WDR70: variants seen among roughly 807,000 people sequenced by gnomAD.
The protein encoded by WDR70 is WD repeat-containing protein 70.
WDR70 carries 53 observed loss-of-function variants against 88.6 expected under a neutral mutation model. The observed-to-expected ratio is 0.60, with a 90% CI of 0.48 to 0.75. WDR70 has a LOEUF of 0.75. Among genes scored for constraint, WDR70 ranks in the 30% least tolerant of loss-of-function variants. The pLI is 0.00. For synonymous variants in WDR70, 280 were observed against 270.0 expected (o/e 1.04, Z -0.36); for missense variants, 610 against 823.2 (o/e 0.74, Z 3.17).
At chr5:37,457,086 A>G (rs569228445) in intron 7 of WDR70, among the ~76,000 whole-genome samples, 118 of 152,106 alleles carry the variant, frequency 7.8e-4, no homozygotes, top group Non-Finnish European at 1.5e-3. Context: ...TTTTTTCCGC[A>G]TAACACTTTG....
chr5:37,410,600 C>T (rs1191984243), intron 5 of WDR70, among the ~76,000 whole-genome samples: 1 of 152,102 alleles, frequency 6.6e-6, no homozygotes, highest in Admixed American at 6.6e-5. Flanking sequence ...ACCTCAAGTA[C>T]AGGAACTTTT....
intron 5 of WDR70, among the ~76,000 whole-genome samples, chr5:37,397,892 A>G (rs1357941611): frequency 6.6e-6 from 1 of 151,116 alleles, no homozygotes; most frequent in Non-Finnish European, 1.5e-5. Flanking sequence ...GCTACTCGGG[A>G]GGCTGAAGCA....
intron 8 of WDR70, among the ~76,000 whole-genome samples, chr5:37,513,157 A>G (rs892413668): frequency 6.6e-6 from 1 of 152,218 alleles, no homozygotes; most frequent in Non-Finnish European, 1.5e-5. Context: ...CTGTTCCAAA[A>G]GTCAAAAAAT....
chr5:37,388,049 G>A lies in WDR70; in HGVS notation c.176-3951G>A, dbSNP rs561548712. ...TGTGAAGGGTCTGGAAATGATAATG[G>A]TACAAATTTTTTTTAATGTTTTTTA... On this transcript the variant is annotated intron_variant, in intron 3 of 17. Transcript: ENST00000265107. Among the ~76,000 whole-genome samples, 59 of 152,150 alleles carry A rather than the reference G, an allele frequency of 3.9e-4. No homozygotes were observed. In the South Asian group the frequency reaches 0.012, roughly 30 times the overall value.
chr5:37,528,753 C>G (rs554867020), intron 9 of WDR70, among the ~76,000 whole-genome samples: 1 of 152,264 alleles, frequency 6.6e-6, no homozygotes, highest in East Asian at 1.9e-4. Flanking sequence ...ATTTCTCCCA[C>G]TCTGTGGGTT....
At chr5:37,690,245 C>G (rs1055501371) in intron 10 of WDR70, among the ~76,000 whole-genome samples, 1 of 152,168 alleles carries the variant, frequency 6.6e-6, no homozygotes, top group African/African-American at 2.4e-5. Flanking sequence ...ATTGGTGTAC[C>G]TGAAAGTGAT....
At chr5:37,392,788 G>A (rs1748880448) in intron 4 of WDR70, among the ~76,000 whole-genome samples, 1 of 151,740 alleles carries the variant, frequency 6.6e-6, no homozygotes, top group Non-Finnish European at 1.5e-5. Context: ...GGGATTACAG[G>A]TGTGGGCCAC....
chr5:37,542,430 C>G (rs765767489), intron 9 of WDR70, among the ~76,000 whole-genome samples: 3 of 151,964 alleles, frequency 2.0e-5, no homozygotes, highest in Admixed American at 1.3e-4. Context: ...CAGGCATGCA[C>G]CACCATGCCC....
intron 17 of WDR70, among the ~76,000 whole-genome samples, chr5:37,734,088 T>G (rs1446089555): frequency 6.6e-6 from 1 of 152,034 alleles, no homozygotes; most frequent in Non-Finnish European, 1.5e-5. Flanking sequence ...TTGGGGTGTA[T>G]AGGTATAAAA....
chr5:37,490,869 G>A (rs1028491765), intron 8 of WDR70, among the ~76,000 whole-genome samples: 5 of 152,094 alleles, frequency 3.3e-5, no homozygotes, highest in African/African-American at 4.8e-5. Context: ...TCCAACTGGT[G>A]TCATGTGCTA....
chr5:37,566,304 A>AAG (rs1561905027), intron 9 of WDR70, among the ~76,000 whole-genome samples: 3 of 151,506 alleles, frequency 2.0e-5, no homozygotes, highest in East Asian at 1.9e-4. Context: ...TCCTCCTGTG[A>AAG]TAATAGCTTA....
chr5:37,482,502 C>A (rs1739704374), intron 8 of WDR70, among the ~76,000 whole-genome samples: 1 of 152,122 alleles, frequency 6.6e-6, no homozygotes, highest in African/African-American at 2.4e-5. Context: ...TTATTCAGTA[C>A]CATGAGAACA....
intron 8 of WDR70, among the ~76,000 whole-genome samples, chr5:37,513,239 G>T (rs1437622022): frequency 6.6e-6 from 1 of 152,148 alleles, no homozygotes; most frequent in Non-Finnish European, 1.5e-5. Flanking sequence ...GAACAATGTG[G>T]TGGGCCATGT....
rs11295618 is a variant in WDR70, at chr5:37,608,038, C to CTT, written c.1092+2820_1092+2821dup. Among the ~76,000 whole-genome samples the CTT allele has an allele frequency of 2.0e-3, 202 of 100,572 alleles. 1 individual carries two copies. Among genetic ancestry groups the CTT allele is most frequent in the Middle Eastern group, 0.011 (2 of 188 alleles). The allele number at this position is 100,572 out of a possible 152,430, so 66.0% of individuals were successfully genotyped here. On this transcript the variant is annotated intron_variant, in intron 10 of 17. Coordinates refer to ENST00000265107, the MANE Select transcript of WDR70 (RefSeq NM_018034.4). ...GTTGAGCCTGACAGTCTGCAACACT[C>CTT]TTTTTTTTTTTTTTTTTTTTTGAGA...
chr5:37,457,575 T>G (rs1738882167), intron 7 of WDR70, among the ~76,000 whole-genome samples: 1 of 152,232 alleles, frequency 6.6e-6, no homozygotes, highest in African/African-American at 2.4e-5. Context: ...GGAGTTCCTC[T>G]GACACATATA....
intron 10 of WDR70, among the ~76,000 whole-genome samples, chr5:37,689,398 C>T (rs1285261496): frequency 6.6e-6 from 1 of 152,178 alleles, no homozygotes; most frequent in Non-Finnish European, 1.5e-5. Flanking sequence ...TGGTTCCTAA[C>T]CCCTGTGTAG....
At chr5:37,495,400 T>C (rs1388789464) in intron 8 of WDR70, among the ~76,000 whole-genome samples, 1 of 151,998 alleles carries the variant, frequency 6.6e-6, no homozygotes, top group African/African-American at 2.4e-5. Context: ...GTCATTGGGG[T>C]AGCCACAAGA....
At chr5:37,611,577 G>T (rs1045669635) in intron 10 of WDR70, among the ~76,000 whole-genome samples, 5 of 151,716 alleles carry the variant, frequency 3.3e-5, no homozygotes, top group Admixed American at 6.6e-5. Context: ...TATATTTTTA[G>T]CATATAATGT....
chr5:37,684,530 A>T (rs1746524327), intron 10 of WDR70, among the ~76,000 whole-genome samples: 1 of 152,204 alleles, frequency 6.6e-6, no homozygotes, highest in Non-Finnish European at 1.5e-5. Context: ...GGTTCAGTCA[A>T]CTAGCTTCAT....
Sources: allele counts gnomAD v4.1 joint callset (sites outside exome capture counted in the v4.1 genomes callset), GRCh38; gene constraint gnomAD v4.1.1; transcripts MANE v1.5; gene names NCBI Gene and HGNC (gene_info 2026-07-23, HGNC 2026-07-21).